FMNL1: variants seen among roughly 807,000 people sequenced by gnomAD.
FMNL1 encodes the protein formin-like protein 1.
Under a neutral mutation model 121.3 loss-of-function variants are expected in FMNL1, and 43 were observed. The ratio of observed to expected loss-of-function variants is 0.35; its 90% CI spans 0.28 to 0.46. The LOEUF (loss-of-function observed/expected upper bound fraction) is 0.46. Ranked by LOEUF, FMNL1 falls within the 20% of genes least tolerant of loss-of-function variation. The probability of loss-of-function intolerance (pLI) is 1.00; values close to 1 mark genes in which losing one functional copy is unlikely to be tolerated. For missense variants in FMNL1, 1,191 were observed against 1,482.4 expected, an observed-to-expected ratio of 0.80 and a Z score of 3.23; for synonymous variants, 613 against 613.5, an observed-to-expected ratio of 1.00 and a Z score of 0.01.
At chr17:45,226,435 A>T (rs956418145) in intron 1 of FMNL1, among the ~76,000 whole-genome samples, 7 of 152,166 alleles carry the variant, frequency 4.6e-5, no homozygotes, top group Admixed American at 4.6e-4. Flanking sequence ...GATCTGGGCC[A>T]GGCTGTCTGC....
chr17:45,222,197 C>A lies in FMNL1; in HGVS notation c.73C>A (p.Pro25Thr). ...AAPPPKQPAP[P>T]KQPMPAAGEL... ...GCCGCCCCCCAAGCAGCCCGCGCCT[C>A]CCAAGCAGCCGATGCCCGCGGCCGG... is the stretch of plus-strand genomic sequence containing the variant. The change falls in exon 1 of 27, where the codon CCC (proline) becomes ACC (threonine). Residue 25 changes from proline to threonine, a missense_variant. Physicochemically the swap from Pro to Thr is conservative, Grantham distance 38. Around this residue, in one of 4 missense-constraint regions of FMNL1, gnomAD observed 52 missense variants for 43.4 expected, o/e 1.20. Coordinates refer to ENST00000331495, the MANE Select transcript of FMNL1 (RefSeq NM_005892.4). The A allele has an allele frequency of 8.0e-7, 1 of 1,256,044 alleles. No homozygotes were observed. The highest frequency in any genetic ancestry group is 2.5e-5 in the South Asian group (1 of 39,656). 77.8% of individuals were successfully genotyped at this position (1,256,044 alleles called of 1,614,324 possible).
chr17:45,232,260 C>T, intron 2 of FMNL1, 107 bp from the exon 3 acceptor site: 1 of 944,380 alleles, frequency 1.1e-6, no homozygotes, highest in Non-Finnish European at 1.6e-6. Flanking sequence ...TTAAGAAAGC[C>T]TGGGACCTCA....
intron 10 of FMNL1, 36 bp downstream of exon 10, chr17:45,238,674 C>CA (rs774667657): frequency 6.2e-7 from 1 of 1,612,958 alleles, no homozygotes; most frequent in Non-Finnish European, 8.5e-7. Context: ...AGGCCTGGGC[C>CA]AGGCCCTCTT....
chr17:45,238,301 G>C (rs551506926), intron 9 of FMNL1: 33 of 414,108 alleles, frequency 8.0e-5, no homozygotes, highest in African/African-American at 6.1e-4. Context: ...GACTTGGTGT[G>C]GGAGTGAGGG....
chr17:45,246,319 A>G lies in FMNL1; in HGVS notation c.3200A>G (p.Asp1067Gly). 1 of 1,614,058 alleles carries G rather than the reference A, an allele frequency of 6.2e-7. No individual in the cohort carries two copies. The highest frequency in any genetic ancestry group is 8.5e-7 in the Non-Finnish European group (1 of 1,179,990). Residue 1067 changes from aspartate to glycine, a missense_variant, in exon 25 of 27, where the codon GAC (aspartate) becomes GGC (glycine). Physicochemically the swap from Asp to Gly is moderately conservative, Grantham distance 94 (BLOSUM62 -1). Coordinates refer to ENST00000331495, the MANE Select transcript of FMNL1 (RefSeq NM_005892.4). Reference protein sequence around the residue: ...YESDRDGAIEDIITVIKTVPF... With the variant: ...YESDRDGAIEGIITVIKTVPF... ...AGCGACCGTGATGGGGCCATTGAAG[A>G]CATCATCACAGGTAAGGGCTTGGCC...
rs1834929332 is a variant in FMNL1 at position 45,240,818 on chromosome 17, G to T, written c.1230+193G>T. The T allele has an allele frequency of 1.8e-5, 15 of 843,880 alleles. No homozygotes were observed. The South Asian group carries it at 2.5e-4, about 14-fold the overall frequency. 52.3% of individuals were successfully genotyped at this position (843,880 alleles called of 1,614,324 possible). A position where few individuals can be genotyped will look rare whatever the true frequency, so the allele number is the denominator to read the frequency against. On this transcript the variant is annotated intron_variant, in intron 12 of 26. Coordinates refer to ENST00000331495, the MANE Select transcript of FMNL1 (RefSeq NM_005892.4). The stretch of plus-strand genomic sequence containing the variant: ...GTTGGGTGTCTTTCTCAATGAGTGT[G>T]GGTGAGCACCCTCACTGACAGGCCC...
Position 45,241,973 on chromosome 17 carries a change from G to A in FMNL1, c.1712G>A (p.Ser571Asn). 7.6e-7 allele frequency: 1 copy of A among 1,315,178 alleles called. No homozygotes were observed. The allele number at this position is 1,315,178 out of a possible 1,614,324, so 81.5% of individuals were successfully genotyped here. The change falls in exon 15 of 27, where the codon AGC becomes AAC. Residue 571 changes from serine to asparagine, a missense_variant. By Grantham distance (46) the Ser-to-Asn change is conservative. Transcript: ENST00000331495. This position sits in a 1 kb window ranked among gnomAD's most constrained non-coding sequence, Gnocchi z 7.0. ...APPQAPPLPG[S>N]PEPPPAPPLP... Reference sequence around the variant, plus strand: ...CCACAGGCCCCGCCTCTCCCTGGCAGCCCGGAGCCCCCGCCTGCGCCGCCG... The same window carrying A: ...CCACAGGCCCCGCCTCTCCCTGGCAACCCGGAGCCCCCGCCTGCGCCGCCG...
In FMNL1 at chr17:45,233,868, C is replaced by T. The variant is rs539000237; in HGVS notation, c.485+137C>T. Reference sequence around the variant, plus strand: ...CTGGAACCCTCCACTTGGCCTTGAGCGATGCTCCTTCCAGAAGGCCTGCCC... The same window carrying T: ...CTGGAACCCTCCACTTGGCCTTGAGTGATGCTCCTTCCAGAAGGCCTGCCC... On this transcript the variant is annotated intron_variant, in intron 5 of 26. Coordinates refer to ENST00000331495, the MANE Select transcript of FMNL1 (RefSeq NM_005892.4). This position sits in a 1 kb window ranked among gnomAD's most constrained non-coding sequence, Gnocchi z 4.1. 1.1e-4 allele frequency: 155 copies of T among 1,352,544 alleles called. No homozygotes were observed. The highest frequency in any genetic ancestry group is 9.3e-4 in the East Asian group (37 of 39,962). 83.8% of individuals were successfully genotyped at this position (1,352,544 alleles called of 1,614,324 possible). A position where few individuals can be genotyped will look rare whatever the true frequency, so the allele number is the denominator to read the frequency against.
At position 45,233,320 on chromosome 17, in the gene FMNL1, C is replaced by G. The variant is rs761163579; in HGVS notation, c.401+23C>G. On this transcript the variant is annotated intron_variant, in intron 4 of 26. Transcript: ENST00000331495. The surrounding 1 kb of genome is among the most constrained non-coding windows in gnomAD (Gnocchi z 4.1). ...TGGGTGAGTGAGGGCTCAGATCTTC[C>G]TCTCTGGGCCTAGGAAGGCTCTGCT... The G allele has an allele frequency of 2.6e-6, 4 of 1,550,098 alleles. No individual in the cohort carries two copies. The South Asian group carries it at 3.6e-5, about 14-fold the overall frequency.
chr17:45,239,012 C>T lies in FMNL1; in HGVS notation c.1027C>T (p.Arg343Cys), dbSNP rs1370228268. Residue 343 changes from arginine (R) to cysteine (C), a missense_variant, in exon 11 of 27, where the codon CGT (arginine) becomes TGT (cysteine). Arg to Cys is a radical substitution (Grantham distance 180). Coordinates refer to ENST00000331495, the MANE Select transcript of FMNL1 (RefSeq NM_005892.4). ...ACATTCGGTGGAGAACATGAACTTC[C>T]GTGTCTTCCTGCAATATGAGTTCAC... The part of the protein sequence containing the change: ...VVHSVENMNF[R>C]VFLQYEFTHL... 2.5e-6 allele frequency: 4 copies of T among 1,614,180 alleles called. No individual in the cohort carries two copies. The highest frequency in any genetic ancestry group is 2.2e-5 in the South Asian group (2 of 91,080).
rs1334593245 is a variant in FMNL1 at position 45,242,097 on chromosome 17, C to G, written c.1836C>G (p.Pro612=). The G allele has an allele frequency of 3.3e-6, 5 of 1,529,892 alleles. No homozygotes were observed. The highest frequency in any genetic ancestry group is 3.5e-6 in the Non-Finnish European group (4 of 1,141,330). The allele number at this position is 1,529,892 out of a possible 1,614,324, so 94.8% of individuals were successfully genotyped here. The change falls in exon 15 of 27, where the codon CCC becomes CCG. Residue 612 remains proline (P), a synonymous_variant. Coordinates refer to ENST00000331495, the MANE Select transcript of FMNL1 (RefSeq NM_005892.4). ...PPPPPPPPPP[P]GGPPDALGRR... ...CGCCGCCGCCGCCGCCGCCGCCTCC[C>G]GGAGGTCCTCCTGATGCCCTAGGAA...
intron 25 of FMNL1, 27 bp from the exon 26 acceptor site, chr17:45,246,478 C>T (rs1237365573): frequency 6.2e-6 from 10 of 1,613,874 alleles, no homozygotes; most frequent in African/African-American, 1.3e-5. Flanking sequence ...TTCTCTACTC[C>T]CCTTCACCTG....
At chr17:45,243,041 C>T in intron 16 of FMNL1, 77 bp from the exon 17 acceptor site, 1 of 1,515,530 alleles carries the variant, frequency 6.6e-7, no homozygotes, top group Non-Finnish European at 9.1e-7. Context: ...AGATGGATGG[C>T]TCTAGCACTG....
chr17:45,229,047 G>A (rs946023326), intron 1 of FMNL1, among the ~76,000 whole-genome samples: 5 of 133,894 alleles, frequency 3.7e-5, no homozygotes, highest in Non-Finnish European at 4.6e-5. Context: ...ACTCCTGGGC[G>A]GTTCCCCCAC....
chr17:45,239,965 T>G (rs937412352), intron 11 of FMNL1, among the ~76,000 whole-genome samples: 5 of 152,182 alleles, frequency 3.3e-5, no homozygotes, highest in Non-Finnish European at 5.9e-5. Context: ...AATTTTTGTA[T>G]TTTTGGTAGA....
At position 45,241,016 on chromosome 17, in the gene FMNL1, C is replaced by T. The variant is rs1296852095; in HGVS notation, c.1231-113C>T. 4 of 1,343,686 alleles carry T rather than the reference C, an allele frequency of 3.0e-6. No homozygotes were observed. The highest frequency in any genetic ancestry group is 1.5e-5 in the African/African-American group (1 of 68,924). The allele number at this position is 1,343,686 out of a possible 1,614,324, so 83.2% of individuals were successfully genotyped here. On this transcript the variant is annotated intron_variant, in intron 12 of 26. Coordinates refer to ENST00000331495, the MANE Select transcript of FMNL1 (RefSeq NM_005892.4). This position sits in a 1 kb window ranked among gnomAD's most constrained non-coding sequence, Gnocchi z 7.0. Reference sequence around the variant, plus strand: ...GCCCACCCTTGGCACCTGGGCTGAGCGGATCTGGGAGCCTCCCCCAGTCTT... The same window carrying T: ...GCCCACCCTTGGCACCTGGGCTGAGTGGATCTGGGAGCCTCCCCCAGTCTT...
chr17:45,244,351 T>TCAG, intron 19 of FMNL1, 107 bp downstream of exon 19: 1 of 1,342,120 alleles, frequency 7.5e-7, no homozygotes, highest in Non-Finnish European at 1.0e-6. Context: ...TTCCCACTTC[T>TCAG]CATGTACATG....
chr17:45,232,291 C>T (rs966359630), intron 2 of FMNL1, 76 bp from the exon 3 acceptor site: 13 of 1,318,678 alleles, frequency 9.9e-6, no homozygotes, highest in Non-Finnish European at 1.3e-5. Context: ...GAGAATGGGA[C>T]ACTGGGACGA....
Position 45,241,845 on chromosome 17 carries a change from A to G in FMNL1, c.1586-2A>G, listed in dbSNP as rs1331885815. ...CCCCACGCCGCGCCCTCGCTGGCTC[A>G]GATCTCGCACCTGCAGCAGAGCCGG... is the stretch of plus-strand genomic sequence containing the variant. On this transcript the variant is annotated splice_acceptor_variant, in intron 14 of 26. Coordinates refer to ENST00000331495, the MANE Select transcript of FMNL1 (RefSeq NM_005892.4). LOFTEE classifies it high-confidence loss of function. This position sits in a 1 kb window ranked among gnomAD's most constrained non-coding sequence, Gnocchi z 7.0. 2 of 1,426,366 alleles carry G rather than the reference A, an allele frequency of 1.4e-6. No homozygotes were observed. The highest frequency in any genetic ancestry group is 3.1e-5 in the Admixed American group (1 of 32,462). 88.4% of individuals were successfully genotyped at this position (1,426,366 alleles called of 1,614,324 possible).
Sources: gnomAD v4.1 joint callset for allele counts (sites outside exome capture counted in the v4.1 genomes callset) on GRCh38, gnomAD v4.1.1 for gene constraint, gnomAD v4.1.1 regional missense constraint, Gnocchi (gnomAD v3.1) non-coding constraint, MANE v1.5 for transcripts, NCBI Gene and HGNC (gene_info 2026-07-23, HGNC 2026-07-21) for gene names.